Variants in ASTN2 observed in about 807,000 individuals in gnomAD.
The protein encoded by ASTN2 is astrotactin-2.
In ASTN2, 54 loss-of-function variants were observed where a neutral mutation model predicts 139.8. The ratio of observed to expected loss-of-function variants is 0.39; its 90% confidence interval spans 0.31 to 0.48. ASTN2 has a LOEUF of 0.48. Ranked by LOEUF, ASTN2 falls within the 20% of genes least tolerant of loss-of-function variation. The pLI is 0.95. For synonymous variants in ASTN2, 756 were observed against 719.5 expected (o/e 1.05, Z -0.81); for missense variants, 1,565 against 1,725.1 (o/e 0.91, Z 1.64).
intron 5 of ASTN2, among the ~76,000 whole-genome samples, chr9:117,048,278 T>C (rs890618908): frequency 1.3e-5 from 2 of 152,188 alleles, no homozygotes; most frequent in Non-Finnish European, 2.9e-5. Context: ...CCACATGTCT[T>C]CAAGAGAACC....
At chr9:117,172,672 G>C (rs1006290344) in intron 3 of ASTN2, among the ~76,000 whole-genome samples, 1 of 152,072 alleles carries the variant, frequency 6.6e-6, no homozygotes, top group Non-Finnish European at 1.5e-5. Flanking sequence ...ATCCCAGAGT[G>C]GGTAACATTT....
chr9:117,117,060 G>C (rs1297579417), intron 4 of ASTN2, among the ~76,000 whole-genome samples: 1 of 152,022 alleles, frequency 6.6e-6, no homozygotes, highest in East Asian at 1.9e-4. Context: ...ATGGTAATAT[G>C]AATGCTTAAG....
intron 16 of ASTN2, among the ~76,000 whole-genome samples, chr9:116,661,132 C>T (rs962672412): frequency 6.6e-6 from 1 of 152,028 alleles, no homozygotes; most frequent in Non-Finnish European, 1.5e-5. Context: ...GTGTCTTGGC[C>T]AGAATCAGGA....
At chr9:116,795,715 T>C (rs1830671846) in intron 13 of ASTN2, among the ~76,000 whole-genome samples, 1 of 152,196 alleles carries the variant, frequency 6.6e-6, no homozygotes, top group African/African-American at 2.4e-5. Context: ...AAACCCATCT[T>C]CATCTGCTGT....
chr9:117,059,142 G>C (rs949694759), intron 5 of ASTN2, among the ~76,000 whole-genome samples: 1 of 152,156 alleles, frequency 6.6e-6, no homozygotes, highest in South Asian at 2.1e-4. Context: ...GGGATGGAGA[G>C]AGTCATCAAA....
At chr9:116,511,389 G>A (rs1362133049) in intron 19 of ASTN2, among the ~76,000 whole-genome samples, 1 of 152,146 alleles carries the variant, frequency 6.6e-6, no homozygotes. Context: ...TTGATGTGCT[G>A]CTGAATTCGG....
chr9:117,134,774 C>T (rs1468804625), intron 4 of ASTN2, among the ~76,000 whole-genome samples: 1 of 152,140 alleles, frequency 6.6e-6, no homozygotes, highest in African/African-American at 2.4e-5. Flanking sequence ...GGTGCAGATA[C>T]GTAATGCCCT....
intron 19 of ASTN2, among the ~76,000 whole-genome samples, chr9:116,570,395 CT>C (rs11365850): frequency 0.21 from 31,424 of 147,808 alleles, 4,245 homozygotes; most frequent in African/African-American, 0.38. Context: ...CTTTTAGTCT[CT>C]TTTTTTTTTT....
intron 10 of ASTN2, among the ~76,000 whole-genome samples, chr9:116,930,289 C>T (rs1834862524): frequency 6.6e-6 from 1 of 152,062 alleles, no homozygotes; most frequent in Non-Finnish European, 1.5e-5. Context: ...TAAGGAGGTG[C>T]CTATTGAGCA....
At chr9:116,820,488 G>T in intron 12 of ASTN2, 129 bp downstream of exon 12, 7 of 1,245,024 alleles carry the variant, frequency 5.6e-6, no homozygotes, top group Non-Finnish European at 7.7e-6. Flanking sequence ...GACTAAAACA[G>T]GAAAGGCAGA....
In ASTN2 at chr9:116,797,197, TA is replaced by T. The variant is rs1588300588; in HGVS notation, c.2396+8434del. 2.6e-5 allele frequency among the ~76,000 whole-genome samples: 4 copies of T among 152,144 alleles called. No homozygotes were observed. The East Asian group carries it at 7.7e-4, about 29-fold the overall frequency. ...GCCTTGACGGTGGTGATGGATTCAC[TA>T]GTATATACTTATCTCCAAACTAATC... On this transcript the variant is annotated intron_variant, in intron 13 of 22. Transcript: ENST00000313400.
At chr9:117,056,300 T>G (rs976870194) in intron 5 of ASTN2, among the ~76,000 whole-genome samples, 2 of 152,196 alleles carry the variant, frequency 1.3e-5, no homozygotes. Context: ...AGTACCTACT[T>G]AAATGGATAG....
chr9:116,529,940 T>C (rs939224394), intron 19 of ASTN2, among the ~76,000 whole-genome samples: 9 of 151,590 alleles, frequency 5.9e-5, no homozygotes, highest in Non-Finnish European at 4.4e-5. Context: ...TTTATAGCAG[T>C]GTGTAAACAG....
chr9:117,412,451 C>G (rs774430626), intron 1 of ASTN2, among the ~76,000 whole-genome samples: 2 of 152,178 alleles, frequency 1.3e-5, no homozygotes, highest in East Asian at 3.9e-4. Flanking sequence ...TCTAATTCCT[C>G]GCTCAGGTCC....
chr9:117,221,847 G>A (rs1287500069), intron 2 of ASTN2, among the ~76,000 whole-genome samples: 9 of 145,034 alleles, frequency 6.2e-5, no homozygotes, highest in Admixed American at 6.9e-5. Flanking sequence ...AGTGTTAGAA[G>A]AAAAAAAAAA....
At chr9:116,937,761 G>T (rs1835119571) in intron 10 of ASTN2, among the ~76,000 whole-genome samples, 1 of 152,076 alleles carries the variant, frequency 6.6e-6, no homozygotes, top group African/African-American at 2.4e-5. Context: ...ATTTGACCCT[G>T]GTATTATACA....
rs140855134 is a variant in ASTN2 at position 117,395,270 on chromosome 9, T to C, written c.442+19227A>G. On this transcript the variant is annotated intron_variant, in intron 1 of 22. Coordinates refer to ENST00000313400, the MANE Select transcript of ASTN2 (RefSeq NM_001365068.1). ...CCCACTGTGTCCCCTCATAAGCCAC[T>C]GGGGCAGGGTGCCTGAGAATTGGAT... Among the ~76,000 whole-genome samples the C allele has an allele frequency of 4.9e-4, 75 of 152,128 alleles. 1 individual carries two copies. The East Asian group carries it at 0.014, about 28-fold the overall frequency.
chr9:116,593,138 T>C (rs1588048885), intron 19 of ASTN2, among the ~76,000 whole-genome samples: 1 of 152,164 alleles, frequency 6.6e-6, no homozygotes, highest in Non-Finnish European at 1.5e-5. Context: ...TGGAATGCAA[T>C]GGGAATGAAG....
chr9:116,634,656 T>C (rs988924201), intron 17 of ASTN2, among the ~76,000 whole-genome samples: 2 of 151,584 alleles, frequency 1.3e-5, no homozygotes, highest in African/African-American at 4.9e-5. Flanking sequence ...GACATGCTTA[T>C]TTACAGACAA....
Sources: allele counts gnomAD v4.1 joint callset (sites outside exome capture counted in the v4.1 genomes callset), GRCh38; gene constraint gnomAD v4.1.1; transcripts MANE v1.5; gene names NCBI Gene and HGNC (gene_info 2026-07-23, HGNC 2026-07-21).